The following EGLN3 variants were observed in gnomAD, a reference collection of about 807,000 sequenced individuals.
EGLN3 encodes the protein egl-9 family hypoxia inducible factor 3.
EGLN3 carries 15 observed loss-of-function variants against 26.0 expected under a neutral mutation model. The ratio of observed to expected loss-of-function variants is 0.58; its 90% CI spans 0.39 to 0.89. The LOEUF is 0.89. EGLN3 is among the 40% of genes least tolerant of loss of function. EGLN3 has a pLI of 0.00. For synonymous variants in EGLN3, 147 were observed against 127.2 expected, an observed-to-expected ratio of 1.16 and a Z score of -1.05; for missense variants, 238 against 311.6, an observed-to-expected ratio of 0.76 and a Z score of 1.78.
chr14:33,927,637 G>C (rs535004357), intron 3 of EGLN3, among the ~76,000 whole-genome samples: 31 of 152,300 alleles, frequency 2.0e-4, no homozygotes, highest in Admixed American at 2.0e-4. Context: ...GGAGACAGGT[G>C]ATTTTGCAAT....
At chr14:33,949,812 CAAG>C (rs2064544223) in intron 1 of EGLN3, 1 of 160,168 alleles carries the variant, frequency 6.2e-6, no homozygotes, top group South Asian at 1.9e-4. Flanking sequence ...AATTTTCAGT[CAAG>C]AAGATGGTCT....
chr14:33,929,448 G>A (rs994782653), intron 2 of EGLN3, among the ~76,000 whole-genome samples: 3 of 152,148 alleles, frequency 2.0e-5, no homozygotes, highest in Non-Finnish European at 4.4e-5. Flanking sequence ...CACCTCCCTG[G>A]TTCAAGTGAT....
At chr14:33,934,543 T>C (rs1366459892) in intron 1 of EGLN3, among the ~76,000 whole-genome samples, 1 of 150,868 alleles carries the variant, frequency 6.6e-6, no homozygotes, top group Non-Finnish European at 1.5e-5. Context: ...TCCATTCCAA[T>C]GCCTAAACAG....
intron 3 of EGLN3, among the ~76,000 whole-genome samples, chr14:33,928,390 C>T (rs2064377359): frequency 1.3e-5 from 2 of 152,102 alleles, no homozygotes; most frequent in South Asian, 2.1e-4. Flanking sequence ...CCAATGCTGC[C>T]CGGCTTATTG....
intron 1 of EGLN3, 44 bp downstream of exon 1, chr14:33,950,352 G>A (rs1187480714): frequency 1.9e-6 from 3 of 1,588,532 alleles, no homozygotes; most frequent in Admixed American, 3.3e-5. Context: ...AGTGCCTCCC[G>A]TCCCCGCGGG....
In EGLN3 at chr14:33,926,695, C is replaced by G. The variant is rs112855961; in HGVS notation, c.688+265G>C. ...TTTAATGTTACATTTGACTGGTTAACATTAATAGGAAAAAGTTAACTATTT... is the reference window on the plus strand; with the variant it reads ...TTTAATGTTACATTTGACTGGTTAAGATTAATAGGAAAAAGTTAACTATTT... On this transcript the variant is annotated intron_variant, in intron 4 of 4. Coordinates refer to ENST00000250457, the MANE Select transcript of EGLN3 (RefSeq NM_022073.4). Among the ~76,000 whole-genome samples, 250 of 152,210 alleles carry G rather than the reference C, an allele frequency of 1.6e-3. 1 individual carries two copies. The highest frequency in any genetic ancestry group is 5.7e-3 in the African/African-American group (235 of 41,532).
rs953834163 is a variant in EGLN3 at position 33,926,354 on chromosome 14, C to T, written c.689-432G>A. Among the ~76,000 whole-genome samples, 20 of 152,150 alleles carry T rather than the reference C, an allele frequency of 1.3e-4. 1 individual carries two copies. The highest frequency in any genetic ancestry group is 1.2e-3 in the Admixed American group (18 of 15,274). ...GTTTCCTTACTGCAGGATCTCTTAG[C>T]GCCTTAATTTAATATGCTAGTGAGC... On this transcript the variant is annotated intron_variant, in intron 4 of 4. Transcript: ENST00000250457.
intron 1 of EGLN3, among the ~76,000 whole-genome samples, chr14:33,935,923 C>A (rs2064439031): frequency 6.6e-6 from 1 of 152,092 alleles, no homozygotes; most frequent in Admixed American, 6.5e-5. Flanking sequence ...CACAACAACA[C>A]AGACAACTAG....
At chr14:33,938,154 G>C (rs1566599518) in intron 1 of EGLN3, among the ~76,000 whole-genome samples, 1 of 152,114 alleles carries the variant, frequency 6.6e-6, no homozygotes, top group African/African-American at 2.4e-5. Flanking sequence ...AAATTCTAGG[G>C]GGTTCAAAGG....
At chr14:33,931,835 C>A (rs1188462091) in intron 1 of EGLN3, among the ~76,000 whole-genome samples, 1 of 152,194 alleles carries the variant, frequency 6.6e-6, no homozygotes, top group African/African-American at 2.4e-5. Context: ...GGAAAAAAGC[C>A]ATGCATGTAT....
chr14:33,943,556 C>T (rs1403391435), intron 1 of EGLN3, among the ~76,000 whole-genome samples: 5 of 152,218 alleles, frequency 3.3e-5, no homozygotes, highest in Non-Finnish European at 7.3e-5. Context: ...CTGCAAGCTA[C>T]TTCTTGGTCT....
intron 1 of EGLN3, chr14:33,949,469 A>T (rs754990803): frequency 1.3e-5 from 2 of 152,198 alleles, no homozygotes; most frequent in Non-Finnish European, 2.9e-5. Flanking sequence ...TGACCACACC[A>T]TAAGACAAGC....
rs146675366 is a variant in EGLN3 at position 33,928,013 on chromosome 14, T to C, written c.615-980A>G. ...CTACTTCCGTAGCTAACAATTTCTA[T>C]AGCACTTGAGTTTTTTTCAAGGGAC... is the stretch of plus-strand genomic sequence containing the variant. On this transcript the variant is annotated intron_variant, in intron 3 of 4. Transcript: ENST00000250457. Among the ~76,000 whole-genome samples the C allele has an allele frequency of 3.8e-3, 581 of 152,300 alleles. 3 individuals are homozygous for C. Among genetic ancestry groups the C allele is most frequent in the African/African-American group, 0.013 (546 of 41,556 alleles).
At chr14:33,937,092 C>G (rs1045115761) in intron 1 of EGLN3, among the ~76,000 whole-genome samples, 1 of 152,164 alleles carries the variant, frequency 6.6e-6, no homozygotes, top group Non-Finnish European at 1.5e-5. Context: ...CTTTACAAGA[C>G]GATGGCAACT....
intron 1 of EGLN3, among the ~76,000 whole-genome samples, chr14:33,939,084 C>A (rs1186896504): frequency 6.6e-6 from 1 of 152,066 alleles, no homozygotes; most frequent in East Asian, 1.9e-4. Flanking sequence ...TGAACTTAAT[C>A]CTAAAGTACT....
chr14:33,946,574 T>G (rs2064520014), intron 1 of EGLN3, among the ~76,000 whole-genome samples: 1 of 152,054 alleles, frequency 6.6e-6, no homozygotes. Context: ...CCACCACCCC[T>G]GCACAGCATC....
intron 1 of EGLN3, among the ~76,000 whole-genome samples, chr14:33,935,755 A>G (rs1435576162): frequency 2.0e-5 from 3 of 152,090 alleles, no homozygotes; most frequent in Non-Finnish European, 2.9e-5. Context: ...ACTCAAACAC[A>G]TCCTATCCAA....
chr14:33,939,977 C>A (rs766693090), intron 1 of EGLN3, among the ~76,000 whole-genome samples: 3 of 152,202 alleles, frequency 2.0e-5, no homozygotes, highest in Non-Finnish European at 4.4e-5. Context: ...TCATCCTTGC[C>A]TATCACCCTT....
chr14:33,929,273 A>G (rs2064385109), intron 2 of EGLN3, 61 bp from the exon 3 acceptor site: 1 of 1,584,626 alleles, frequency 6.3e-7, no homozygotes, highest in Admixed American at 1.7e-5. Flanking sequence ...CAACAACCAT[A>G]TTTCAGCTCC....
Sources: allele counts gnomAD v4.1 joint callset (sites outside exome capture counted in the v4.1 genomes callset), GRCh38; gene constraint gnomAD v4.1.1; transcripts MANE v1.5; gene names NCBI Gene and HGNC (gene_info 2026-07-23, HGNC 2026-07-21).